PRDM10: variants seen among roughly 807,000 people sequenced by gnomAD.
The protein encoded by PRDM10 is PR/SET domain 10.
Under a neutral mutation model 133.1 loss-of-function variants are expected in PRDM10, and 65 were observed. The ratio of observed to expected loss-of-function variants is 0.49; its 90% CI spans 0.40 to 0.60. PRDM10 has a LOEUF of 0.60. PRDM10 is among the 20% of genes least tolerant of loss of function. PRDM10 has a pLI of 0.00. For synonymous variants in PRDM10, 582 were observed against 580.4 expected (o/e 1.00, Z -0.04); for missense variants, 1,137 against 1,507.1 (o/e 0.75, Z 4.07).
chr11:129,990,678 C>G (rs1938688402), intron 1 of PRDM10, among the ~76,000 whole-genome samples: 1 of 152,064 alleles, frequency 6.6e-6, no homozygotes, highest in African/African-American at 2.4e-5. Flanking sequence ...GCTATGTTGC[C>G]TAGGCTGGTC....
intron 1 of PRDM10, among the ~76,000 whole-genome samples, chr11:129,976,645 G>A (rs543291217): frequency 6.6e-6 from 1 of 152,238 alleles, no homozygotes; most frequent in South Asian, 2.1e-4. Context: ...AGACCAAGAA[G>A]AATGAAAATA....
chr11:129,965,773 C>A (rs562348473), intron 1 of PRDM10, among the ~76,000 whole-genome samples: 44 of 151,808 alleles, frequency 2.9e-4, no homozygotes, highest in Non-Finnish European at 5.6e-4. Flanking sequence ...AAAAAAAGAT[C>A]CCTGGCTTCT....
intron 11 of PRDM10, among the ~76,000 whole-genome samples, chr11:129,925,491 G>A (rs902214314): frequency 1.3e-5 from 2 of 152,030 alleles, no homozygotes; most frequent in African/African-American, 4.8e-5. Flanking sequence ...CTTTTGAAAG[G>A]GTTTAAGTAA....
In PRDM10 at chr11:129,945,163, A is replaced by G. The variant is rs1028484690; in HGVS notation, c.521-151T>C. The G allele has an allele frequency of 3.1e-6, 3 of 975,352 alleles. No individual in the cohort carries two copies. The highest frequency in any genetic ancestry group is 4.6e-6 in the Non-Finnish European group (3 of 654,326). The allele number at this position is 975,352 out of a possible 1,614,324, so 60.4% of individuals were successfully genotyped here. On this transcript the variant is annotated intron_variant, in intron 5 of 20. Coordinates refer to ENST00000360871, the MANE Select transcript of PRDM10 (RefSeq NM_199437.2). The surrounding 1 kb of genome is among the most constrained non-coding windows in gnomAD (Gnocchi z 4.2). ...GGCGCTACCCATTCAACGGTAATACATTCTCTCTGGGAGACCAGTAAAAAT... is the reference window on the plus strand; with the variant it reads ...GGCGCTACCCATTCAACGGTAATACGTTCTCTCTGGGAGACCAGTAAAAAT...
chr11:129,915,149 A>T, intron 16 of PRDM10, 131 bp from the exon 17 acceptor site: 1 of 888,200 alleles, frequency 1.1e-6, no homozygotes, highest in Non-Finnish European at 1.7e-6. Context: ...AGCAACACTG[A>T]CTCTATGCCT....
intron 19 of PRDM10, 126 bp downstream of exon 19, chr11:129,910,350 A>T: frequency 7.8e-7 from 1 of 1,279,430 alleles, no homozygotes; most frequent in Non-Finnish European, 1.1e-6. Flanking sequence ...ATTGAAGTAC[A>T]TTCATAGAGA....
chr11:129,985,221 TGC>T (rs1247744189), intron 1 of PRDM10, among the ~76,000 whole-genome samples: 3 of 152,098 alleles, frequency 2.0e-5, no homozygotes, highest in Admixed American at 2.0e-4. Context: ...AAAACAGTAT[TGC>T]CATTAAAAAT....
chr11:129,944,323 G>A (rs924249970), intron 6 of PRDM10, among the ~76,000 whole-genome samples: 4 of 152,236 alleles, frequency 2.6e-5, no homozygotes, highest in African/African-American at 4.8e-5. Context: ...GGCCGGGCGC[G>A]GTGGCTCACG....
chr11:129,973,238 G>A (rs867476564), intron 1 of PRDM10, among the ~76,000 whole-genome samples: 14 of 152,154 alleles, frequency 9.2e-5, no homozygotes, highest in African/African-American at 2.9e-4. Context: ...ACCTGCTAGG[G>A]TAAAAAGTGG....
chr11:129,990,354 CA>C (rs201585012), intron 1 of PRDM10, among the ~76,000 whole-genome samples: 1 of 143,632 alleles, frequency 7.0e-6, no homozygotes, highest in Admixed American at 6.9e-5. Flanking sequence ...ACAAAAAAAA[CA>C]AAAAAAAATT....
intron 4 of PRDM10, among the ~76,000 whole-genome samples, chr11:129,951,763 A>T (rs1250559271): frequency 2.6e-5 from 4 of 152,166 alleles, no homozygotes; most frequent in Non-Finnish European, 5.9e-5. Flanking sequence ...GTGTGTGGGG[A>T]GTCACACATG....
At chr11:129,957,270 G>T (rs1272424029) in intron 3 of PRDM10, among the ~76,000 whole-genome samples, 4 of 152,198 alleles carry the variant, frequency 2.6e-5, no homozygotes, top group Non-Finnish European at 4.4e-5. Context: ...TTAGCGTCAA[G>T]AAATAAATCA....
At chr11:129,980,575 G>A (rs1213278576) in intron 1 of PRDM10, among the ~76,000 whole-genome samples, 5 of 152,124 alleles carry the variant, frequency 3.3e-5, no homozygotes, top group Non-Finnish European at 7.4e-5. Context: ...CCTGGTTGGG[G>A]ACCGTGGCAT....
chr11:129,944,787 C>T lies in PRDM10; in HGVS notation c.746G>A (p.Cys249Tyr). ...PLVRGSELKD[C>Y]YIHLKVSLDK... ...ATAAATTACCTTGAGGTGAATGTAA[C>T]AGTCTTTCAGCTCCGAGCCCCTGAC... Residue 249 changes from cysteine (C) to tyrosine (Y), a missense_variant, in exon 6 of 21, where the codon TGT becomes TAT. Coordinates refer to ENST00000360871, the MANE Select transcript of PRDM10 (RefSeq NM_199437.2). 3 of 1,613,758 alleles carry T rather than the reference C, an allele frequency of 1.9e-6. No individual in the cohort carries two copies. Among genetic ancestry groups the T allele is most frequent in the African/African-American group, 1.3e-5 (1 of 74,994 alleles).
At chr11:129,944,398 C>CCTGGCTAACGT (rs758557663) in intron 6 of PRDM10, among the ~76,000 whole-genome samples, 1 of 150,438 alleles carries the variant, frequency 6.6e-6, no homozygotes, top group Admixed American at 6.6e-5. Flanking sequence ...ATCGAGACCA[C>CCTGGCTAACGT]GGTGAAACCC....
At chr11:129,968,793 C>T (rs1352950370) in intron 1 of PRDM10, among the ~76,000 whole-genome samples, 1 of 152,170 alleles carries the variant, frequency 6.6e-6, no homozygotes. Context: ...CACTCACCAT[C>T]CCCCTGCTGG....
chr11:129,912,235 GA>G lies in PRDM10; in HGVS notation c.2842-11del, dbSNP rs1465931631. On this transcript the variant is annotated splice_polypyrimidine_tract_variant and intron_variant, in intron 17 of 20. Coordinates refer to ENST00000360871, the MANE Select transcript of PRDM10 (RefSeq NM_199437.2). Reference sequence around the variant, plus strand: ...GGTGAGGGGAAGTGGCCTGGAAGGAGAAAAAACAGGCCCAGAAACCAGACAT... The same window carrying G: ...GGTGAGGGGAAGTGGCCTGGAAGGAGAAAAACAGGCCCAGAAACCAGACAT... 5 of 1,530,742 alleles carry G rather than the reference GA, an allele frequency of 3.3e-6. No individual in the cohort carries two copies. Among genetic ancestry groups the G allele is most frequent in the South Asian group, 1.2e-5 (1 of 82,778 alleles). The allele number at this position is 1,530,742 out of a possible 1,614,324, so 94.8% of individuals were successfully genotyped here. A position where few individuals can be genotyped will look rare whatever the true frequency, so the allele number is the denominator to read the frequency against.
intron 11 of PRDM10, among the ~76,000 whole-genome samples, chr11:129,927,456 A>C (rs1950718955): frequency 6.6e-6 from 1 of 152,104 alleles, no homozygotes; most frequent in Non-Finnish European, 1.5e-5. Context: ...AGTTCATTGA[A>C]GTGTCCAAGA....
intron 1 of PRDM10, among the ~76,000 whole-genome samples, chr11:129,999,687 T>C (rs1565520713): frequency 1.3e-5 from 2 of 152,218 alleles, no homozygotes; most frequent in Admixed American, 1.3e-4. Context: ...ACCAAAATTA[T>C]AGCTCAGTAC....
Sources: allele counts gnomAD v4.1 joint callset (sites outside exome capture counted in the v4.1 genomes callset), GRCh38; gene constraint gnomAD v4.1.1; non-coding constraint Gnocchi (gnomAD v3.1); transcripts MANE v1.5; gene names NCBI Gene and HGNC (gene_info 2026-07-23, HGNC 2026-07-21).